The following SLC41A3 variants were observed in gnomAD, a reference collection of about 807,000 sequenced individuals.
SLC41A3 encodes SLC41A1-like 2.
In SLC41A3, 44 loss-of-function variants were observed where a neutral mutation model predicts 45.4. The ratio of observed to expected loss-of-function variants is 0.97; its 90% confidence interval spans 0.76 to 1.25. The LOEUF is 1.25. SLC41A3 is among the 50% of genes most tolerant of loss of function. The probability of loss-of-function intolerance (pLI) is 0.00; values close to 1 mark genes in which losing one functional copy is unlikely to be tolerated. For missense variants in SLC41A3, 550 were observed against 600.6 expected, an observed-to-expected ratio of 0.92 and a Z score of 0.88; for synonymous variants, 256 against 252.4, an observed-to-expected ratio of 1.01 and a Z score of -0.13.
chr3:126,012,799 A>C (rs1358938362), intron 8 of SLC41A3, 50 bp from the exon 9 acceptor site: 1 of 1,600,786 alleles, frequency 6.2e-7, no homozygotes, highest in South Asian at 1.1e-5. Context: ...CCAGTCTCTA[A>C]GTTGTATCCC....
At chr3:126,089,515 T>G (rs1350869388) in intron 1 of SLC41A3, among the ~76,000 whole-genome samples, 4 of 152,236 alleles carry the variant, frequency 2.6e-5, no homozygotes, top group Admixed American at 2.6e-4. Context: ...CATGTAAATC[T>G]GCTCTTTTGA....
chr3:126,015,407 C>T (rs1319126864), intron 8 of SLC41A3, 87 bp downstream of exon 8: 13 of 1,352,334 alleles, frequency 9.6e-6, no homozygotes, highest in Admixed American at 1.7e-5. Context: ...GCTGGTGCTG[C>T]CCCTCTGAGG....
chr3:126,077,437 A>G (rs992582333), intron 1 of SLC41A3, among the ~76,000 whole-genome samples: 2 of 152,140 alleles, frequency 1.3e-5, no homozygotes, highest in African/African-American at 4.8e-5. Flanking sequence ...CAATTTCACT[A>G]TTCCAAAATA....
At chr3:126,069,481 AAAC>A (rs913633165) in intron 1 of SLC41A3, among the ~76,000 whole-genome samples, 5 of 152,188 alleles carry the variant, frequency 3.3e-5, no homozygotes, top group African/African-American at 1.2e-4. Context: ...ATCACTACGC[AAAC>A]AACAACAAGC....
intron 1 of SLC41A3, chr3:126,092,768 A>G (rs1327356771): frequency 1.3e-5 from 2 of 152,282 alleles, no homozygotes; most frequent in African/African-American, 2.4e-5. Context: ...CAATGGGACA[A>G]GTGTGGAGTC....
At chr3:126,039,686 A>C (rs1390729611) in intron 3 of SLC41A3, among the ~76,000 whole-genome samples, 1 of 152,244 alleles carries the variant, frequency 6.6e-6, no homozygotes, top group Non-Finnish European at 1.5e-5. Flanking sequence ...AGCTCCTCTA[A>C]GGCAGTATAT....
intron 3 of SLC41A3, among the ~76,000 whole-genome samples, chr3:126,037,288 C>T (rs1489532553): frequency 6.6e-6 from 1 of 152,180 alleles, no homozygotes; most frequent in Non-Finnish European, 1.5e-5. Flanking sequence ...GATGCCACCA[C>T]TATGATTCTT....
Position 126,051,024 on chromosome 3 carries a change from T to C in SLC41A3, c.300A>G (p.Lys100=). The change falls in exon 3 of 11, where the codon AAA becomes AAG. Residue 100 remains lysine (K), a synonymous_variant. Transcript: ENST00000360370. ...FQHWPVFVEV[K]DLLTLVPPLV... ...GGGGCGGCACCAATGTCAAAAGGTC[T>C]TTCACCTCCACAAACACAGGCCAGT... The C allele has an allele frequency of 6.2e-7, 1 of 1,611,430 alleles. No individual in the cohort carries two copies. Among genetic ancestry groups the C allele is most frequent in the South Asian group, 1.1e-5 (1 of 90,158 alleles).
intron 3 of SLC41A3, among the ~76,000 whole-genome samples, chr3:126,047,637 A>G (rs1483552487): frequency 6.6e-6 from 1 of 152,218 alleles, no homozygotes; most frequent in East Asian, 1.9e-4. Flanking sequence ...CGGACATTCA[A>G]TGGGAAAAGG....
chr3:126,086,426 T>TG (rs1559897603), upstream of SLC41A3, among the ~76,000 whole-genome samples: 6 of 143,320 alleles, frequency 4.2e-5, no homozygotes, highest in Admixed American at 7.0e-5. Flanking sequence ...TTTTTTTTTT[T>TG]TTTTTTTTTT....
At chr3:126,087,937 T>C (rs1162679639), upstream of SLC41A3, among the ~76,000 whole-genome samples, 3 of 152,126 alleles carry the variant, frequency 2.0e-5, no homozygotes, top group African/African-American at 7.2e-5. Context: ...ATTACAAATA[T>C]TGACTTATTT....
At position 126,095,019 on chromosome 3, in the gene SLC41A3, T is replaced by G. The variant is rs141447894; in HGVS notation, c.-79+6410A>C. The stretch of plus-strand genomic sequence containing the variant: ...ATCTAGCATTATTAACTTTAAATTT[T>G]TTGAGCCTGCCCAAAGGCCAGATGT... On this transcript the variant is annotated intron_variant, in intron 1 of 9. Transcript: ENST00000508835. Among the ~76,000 whole-genome samples, 61 of 152,364 alleles carry G rather than the reference T, an allele frequency of 4.0e-4. 2 individuals are homozygous for G. The East Asian group carries it at 0.011, about 28-fold the overall frequency.
intron 3 of SLC41A3, among the ~76,000 whole-genome samples, chr3:126,048,519 CAAG>C (rs976604302): frequency 6.6e-6 from 1 of 152,128 alleles, no homozygotes; most frequent in Non-Finnish European, 1.5e-5. Context: ...TTAGATTTTC[CAAG>C]AAGGCAAGCA....
intron 7 of SLC41A3, 90 bp from the exon 8 acceptor site, chr3:126,015,663 G>C: frequency 7.7e-7 from 1 of 1,304,136 alleles, no homozygotes; most frequent in South Asian, 1.2e-5. Flanking sequence ...TTTCAGCCCA[G>C]CTTCCCATCC....
At chr3:126,089,095 G>A (rs60839048), upstream of SLC41A3, among the ~76,000 whole-genome samples, 26,195 of 152,156 alleles carry the variant, frequency 0.17, 2,378 homozygotes, top group Middle Eastern at 0.27. Flanking sequence ...CATATAACTG[G>A]ATTTAGGATA....
At chr3:126,081,016 T>C (rs908476720) in intron 1 of SLC41A3, among the ~76,000 whole-genome samples, 2 of 151,756 alleles carry the variant, frequency 1.3e-5, no homozygotes, top group Admixed American at 6.6e-5. Context: ...AATGGGTACA[T>C]ATCCAAAAGA....
intron 2 of SLC41A3, among the ~76,000 whole-genome samples, chr3:126,059,307 A>AAAGAAAGAAAGAACGAAAGAAAGAAAGG (rs1559870097): frequency 5.1e-5 from 3 of 59,348 alleles, no homozygotes; most frequent in African/African-American, 2.2e-4. Flanking sequence ...AGAAAGAAAG[A>AAAGAAAGAAAGAACGAAAGAAAGAAAGG]AAGGAAGGAT....
At chr3:126,056,857 A>C (rs1576325155) in intron 2 of SLC41A3, 1 of 1,187,438 alleles carries the variant, frequency 8.4e-7, no homozygotes, top group South Asian at 2.6e-5. Flanking sequence ...GTCCGCCGGG[A>C]CCTCCCTCTG....
chr3:126,041,633 TA>T (rs937206740), intron 3 of SLC41A3, among the ~76,000 whole-genome samples: 1 of 152,218 alleles, frequency 6.6e-6, no homozygotes, highest in Non-Finnish European at 1.5e-5. Context: ...AAGGAAAAAG[TA>T]AAGCATTTTC....
Sources: gnomAD v4.1 joint callset for allele counts (sites outside exome capture counted in the v4.1 genomes callset) on GRCh38, gnomAD v4.1.1 for gene constraint, MANE v1.5 for transcripts, NCBI Gene and HGNC (gene_info 2026-07-23, HGNC 2026-07-21) for gene names.